The following CYLC2 variants were observed in gnomAD, a reference collection of about 807,000 sequenced individuals.
CYLC2 encodes cylicin-2.
CYLC2 carries 30 observed loss-of-function variants against 26.1 expected under a neutral mutation model. That is an observed-to-expected ratio of 1.15 (90% confidence interval 0.86 to 1.56). The LOEUF is 1.56. Among genes scored for constraint, CYLC2 ranks in the 40% most tolerant of loss-of-function variants. The pLI is 0.00. For missense variants in CYLC2, 498 were observed against 394.4 expected, an observed-to-expected ratio of 1.26 and a Z score of -2.23; for synonymous variants, 158 against 132.8, an observed-to-expected ratio of 1.19 and a Z score of -1.31.
chr9:103,005,332 T>G lies in CYLC2; in HGVS notation c.701T>G (p.Leu234Ter). Residue 234 changes from leucine (L) to a stop codon, truncating the protein, a stop_gained, in exon 5 of 8, where the codon TTA (leucine) becomes TGA (stop). Coordinates refer to ENST00000374798, the MANE Select transcript of CYLC2 (RefSeq NM_001340.5). LOFTEE classifies it low-confidence loss of function (END_TRUNC). ...AAGGGCAAGGATTCAGCCATAGAAT[T>G]ACAAGCTGTAAAAGCAGATGAAAAG... ...SKKGKDSAIE[L>*]QAVKADEKKD... 1 of 1,613,704 alleles carries G rather than the reference T, an allele frequency of 6.2e-7. No individual in the cohort carries two copies. The highest frequency in any genetic ancestry group is 8.5e-7 in the Non-Finnish European group (1 of 1,179,894).
rs1554713502 is a variant in CYLC2, at chr9:103,013,156, T to TATATTTTATAAATATATATTTA, written c.*816+1063_*816+1064insTTTATAAATATATATTTAATAT. Among the ~76,000 whole-genome samples the TATATTTTATAAATATATATTTA allele has an allele frequency of 4.5e-5, 5 of 111,240 alleles. No homozygotes were observed. In the East Asian group the frequency reaches 1.3e-3, roughly 29 times the overall value. The allele number at this position is 111,240 out of a possible 152,430, so 73.0% of individuals were successfully genotyped here. A position where few individuals can be genotyped will look rare whatever the true frequency, so the allele number is the denominator to read the frequency against. ...ATCATATAAATATATCATATATAAA[T>TATATTTTATAAATATATATTTA]ATATATTATATAAATATATATTTAA... On this transcript the variant is annotated intron_variant, in intron 6 of 7. Transcript: ENST00000374798.
intron 6 of CYLC2, among the ~76,000 whole-genome samples, chr9:103,014,210 A>T (rs1431298661): frequency 8.1e-6 from 1 of 123,088 alleles, no homozygotes; most frequent in South Asian, 2.4e-4. Flanking sequence ...AATATTATAT[A>T]TCTCATATAT....
At position 103,004,786 on chromosome 9, in the gene CYLC2, A is replaced by G; in HGVS notation, c.272A>G (p.Tyr91Cys). 6.2e-7 allele frequency: 1 copy of G among 1,612,902 alleles called. No homozygotes were observed. Among genetic ancestry groups the G allele is most frequent in the Non-Finnish European group, 8.5e-7 (1 of 1,179,498 alleles). ...LMRISERPSV[Y>C]LAARRQPLKP... The stretch of plus-strand genomic sequence containing the variant: ...AGAATTTCTGAGAGACCATCTGTTT[A>G]TTTAGCTGCCAGGAGGCAGCCTCTC... Residue 91 changes from tyrosine to cysteine, a missense_variant, in exon 4 of 8, where the codon TAT (tyrosine) becomes TGT (cysteine). Transcript: ENST00000374798.
chr9:103,008,407 C>T (rs1368655761), intron 5 of CYLC2, among the ~76,000 whole-genome samples: 1 of 151,940 alleles, frequency 6.6e-6, no homozygotes, highest in Non-Finnish European at 1.5e-5. Context: ...CTTTACATAC[C>T]ATTCTTATGC....
chr9:103,009,450 C>T (rs1363569430), intron 5 of CYLC2, among the ~76,000 whole-genome samples: 3 of 151,988 alleles, frequency 2.0e-5, no homozygotes, highest in Admixed American at 6.6e-5. Flanking sequence ...GCAATCCACC[C>T]GCCTCAGCCT....
chr9:103,018,118 G>C (rs757635411), intron 7 of CYLC2, among the ~76,000 whole-genome samples: 5 of 151,956 alleles, frequency 3.3e-5, no homozygotes, highest in African/African-American at 4.8e-5. Flanking sequence ...GAAACCTAAG[G>C]TTCTGAAGTA....
chr9:103,001,661 A>G, intron 2 of CYLC2, 43 bp downstream of exon 2: 1 of 1,253,058 alleles, frequency 8.0e-7, no homozygotes, highest in Non-Finnish European at 1.2e-6. Flanking sequence ...GGTGTGCTTA[A>G]TTTTATGGTA....
chr9:102,995,820 C>A (rs1314322603), intron 1 of CYLC2, among the ~76,000 whole-genome samples: 1 of 151,734 alleles, frequency 6.6e-6, no homozygotes. Flanking sequence ...GCAGTGTTAA[C>A]CTTTAGTAAA....
At chr9:103,018,238 C>T (rs942280525) in intron 7 of CYLC2, 87 bp from the exon 8 acceptor site, 1 of 152,018 alleles carries the variant, frequency 6.6e-6, no homozygotes, top group East Asian at 1.9e-4. Context: ...TTCAGACCTT[C>T]AGCATTTGGT....
Position 103,003,145 on chromosome 9 carries a change from G to A in CYLC2, c.62G>A (p.Ser21Asn). 3 of 1,613,188 alleles carry A rather than the reference G, an allele frequency of 1.9e-6. No homozygotes were observed. The highest frequency in any genetic ancestry group is 2.5e-6 in the Non-Finnish European group (3 of 1,179,622). ...FGPYDNYIPV[S>N]ELSKKSWNQQ... is the part of the protein sequence containing the mutation. ...TTTTTTGTCTCCCTTATTTTAGTCAGTGAATTAAGCAAAAAATCATGGAAT... is the reference window on the plus strand; with the variant it reads ...TTTTTTGTCTCCCTTATTTTAGTCAATGAATTAAGCAAAAAATCATGGAAT... Residue 21 changes from serine to asparagine, a missense_variant, in exon 3 of 8, where the codon AGT becomes AAT. Transcript: ENST00000374798.
At chr9:103,011,887 T>C (rs1020391034) in intron 5 of CYLC2, 95 bp from the exon 6 acceptor site, 1 of 151,688 alleles carries the variant, frequency 6.6e-6, no homozygotes, top group Non-Finnish European at 1.5e-5. Flanking sequence ...CCAGTTCTCT[T>C]TGCAACATGT....
Position 103,013,383 on chromosome 9 carries a change from TA to T in CYLC2, c.*816+1289del, listed in dbSNP as rs1262764772. 3.3e-3 allele frequency among the ~76,000 whole-genome samples: 223 copies of T among 67,686 alleles called. 1 individual carries two copies. Among genetic ancestry groups the T allele is most frequent in the Non-Finnish European group, 4.7e-3 (198 of 41,960 alleles). The allele number at this position is 67,686 out of a possible 152,430, so 44.4% of individuals were successfully genotyped here. A position where few individuals can be genotyped will look rare whatever the true frequency, so the allele number is the denominator to read the frequency against. ...ATAAATATATATTTAATATATTATA[TA>T]AATATATATTATATAAATATATATT... On this transcript the variant is annotated intron_variant, in intron 6 of 7. Coordinates refer to ENST00000374798, the MANE Select transcript of CYLC2 (RefSeq NM_001340.5).
chr9:103,015,437 T>C (rs1829492333), intron 6 of CYLC2, among the ~76,000 whole-genome samples: 1 of 137,174 alleles, frequency 7.3e-6, no homozygotes, highest in South Asian at 2.1e-4. Flanking sequence ...TATACTTATA[T>C]ATCATTAATA....
rs1235807586 is a variant in CYLC2, at chr9:103,012,049, G to T, written c.*768G>T. ...AGGCTTACTACAGCCTCCACCTTCA[G>T]GTTCAAGTGATTCTCCTGCCTCAGC... On this transcript the variant is annotated 3_prime_UTR_variant, in exon 6 of 8. Coordinates refer to ENST00000374798, the MANE Select transcript of CYLC2 (RefSeq NM_001340.5). The T allele has an allele frequency of 7.0e-6, 1 of 142,420 alleles. No homozygotes were observed. The allele number at this position is 142,420 out of a possible 1,614,324, so 8.8% of individuals were successfully genotyped here. A position where few individuals can be genotyped will look rare whatever the true frequency, so the allele number is the denominator to read the frequency against.
intron 2 of CYLC2, among the ~76,000 whole-genome samples, chr9:103,002,225 T>C (rs2118230652): frequency 6.6e-6 from 1 of 152,172 alleles, no homozygotes; most frequent in South Asian, 2.1e-4. Flanking sequence ...CTTAAATAAC[T>C]TTAATCATTT....
chr9:103,005,389 A>C lies in CYLC2; in HGVS notation c.758A>C (p.Lys253Thr), dbSNP rs1290760403. 6.2e-7 allele frequency: 1 copy of C among 1,613,876 alleles called. No individual in the cohort carries two copies. Among genetic ancestry groups the C allele is most frequent in the Non-Finnish European group, 8.5e-7 (1 of 1,179,990 alleles). The change falls in exon 5 of 8, where the codon AAA (lysine) becomes ACA (threonine). Residue 253 changes from lysine to threonine, a missense_variant. Lys to Thr is a moderately conservative substitution (Grantham distance 78). Transcript: ENST00000374798. Reference protein sequence around the residue: ...KDEDGKKDANKGDESKDAKKD... With the variant: ...KDEDGKKDANTGDESKDAKKD... Reference sequence around the variant, plus strand: ...GAGGATGGAAAAAAAGATGCAAACAAAGGTGATGAATCGAAGGATGCCAAG... The same window carrying C: ...GAGGATGGAAAAAAAGATGCAAACACAGGTGATGAATCGAAGGATGCCAAG...
chr9:102,997,124 G>A (rs1829246068), intron 1 of CYLC2, among the ~76,000 whole-genome samples: 1 of 151,854 alleles, frequency 6.6e-6, no homozygotes, highest in African/African-American at 2.4e-5. Flanking sequence ...TCACCTTGAT[G>A]TAGACAAGGT....
At position 103,004,055 on chromosome 9, in the gene CYLC2, A is replaced by G. The variant is rs137927118; in HGVS notation, c.181-640A>G. Among the ~76,000 whole-genome samples, 880 of 152,180 alleles carry G rather than the reference A, an allele frequency of 5.8e-3. 10 individuals are homozygous for G. Among genetic ancestry groups the G allele is most frequent in the African/African-American group, 0.02 (839 of 41,556 alleles). On this transcript the variant is annotated intron_variant, in intron 3 of 7. Transcript: ENST00000374798. ...TTTTTCCATTTTTGTTAATATTTGT[A>G]CAGAGATTAGCTATTTTTGCCATTC...
chr9:103,002,776 C>T (rs964629801), intron 2 of CYLC2, among the ~76,000 whole-genome samples: 23 of 152,100 alleles, frequency 1.5e-4, no homozygotes, highest in Non-Finnish European at 1.8e-4. Context: ...ATGGGAGCTA[C>T]AGAAGTAGTT....
Sources: gnomAD v4.1 joint callset for allele counts (sites outside exome capture counted in the v4.1 genomes callset) on GRCh38, gnomAD v4.1.1 for gene constraint, MANE v1.5 for transcripts, NCBI Gene and HGNC (gene_info 2026-07-23, HGNC 2026-07-21) for gene names.